ZNF525: variants seen among roughly 807,000 people sequenced by gnomAD.
ZNF525 encodes zinc finger protein 525.
Under a neutral mutation model 37.6 loss-of-function variants are expected in ZNF525, and 33 were observed. The ratio of observed to expected loss-of-function variants is 0.88; its 90% CI spans 0.67 to 1.17. ZNF525 has a LOEUF of 1.17. Ranked by LOEUF, ZNF525 falls within the 50% of genes most tolerant of loss-of-function variation. ZNF525 has a pLI of 0.00. For synonymous variants in ZNF525, 170 were observed against 182.3 expected, an observed-to-expected ratio of 0.93 and a Z score of 0.54; for missense variants, 449 against 543.1, an observed-to-expected ratio of 0.83 and a Z score of 1.72.
intron 3 of ZNF525, among the ~76,000 whole-genome samples, chr19:53,377,658 G>A (rs577358804): frequency 9.4e-5 from 14 of 148,610 alleles, no homozygotes; most frequent in African/African-American, 3.2e-4. Context: ...AGGTTCAAGC[G>A]ATTCTCCTGC....
Position 53,369,869 on chromosome 19 carries a change from C to T in ZNF525, c.-67-2346C>T, listed in dbSNP as rs549000679. On this transcript the variant is annotated intron_variant, in intron 1 of 3. Transcript: ENST00000474037. ...CCTCCCCAGTAGCTGGGACTACAGG[C>T]GCCCGCCACCACGCCCAGCTAATTT... 7.0e-3 allele frequency among the ~76,000 whole-genome samples: 983 copies of T among 140,928 alleles called. 88 individuals carry two copies. The highest frequency in any genetic ancestry group is 0.024 in the African/African-American group (867 of 36,344). 92.5% of individuals were successfully genotyped at this position (140,928 alleles called of 152,430 possible).
At chr19:53,369,754 T>G in intron 1 of ZNF525, among the ~76,000 whole-genome samples, 2 of 100,094 alleles carry the variant, frequency 2.0e-5, no homozygotes, top group Non-Finnish European at 1.8e-5. Flanking sequence ...TGAGACGGAG[T>G]CTCGCTGTCA....
Position 53,382,531 on chromosome 19 carries a change from C to A in ZNF525, c.*512C>A. 1 of 659,480 alleles carries A rather than the reference C, an allele frequency of 1.5e-6. No individual in the cohort carries two copies. Among genetic ancestry groups the A allele is most frequent in the Non-Finnish European group, 2.9e-6 (1 of 350,874 alleles). The allele number at this position is 659,480 out of a possible 1,614,324, so 40.9% of individuals were successfully genotyped here. On this transcript the variant is annotated 3_prime_UTR_variant, in exon 4 of 4. Transcript: ENST00000474037. ...ACCTTCAGTAAGGAGTTAACACATG[C>A]CATCATAGACGTCATACTGGAGAGA...
chr19:53,367,106 CAAG>C (rs766673785), intron 1 of ZNF525, among the ~76,000 whole-genome samples: 4 of 151,994 alleles, frequency 2.6e-5, no homozygotes, highest in Non-Finnish European at 4.4e-5. Flanking sequence ...GAAAGAAAAA[CAAG>C]AACAGCTAAA....
Position 53,372,254 on chromosome 19 carries a change from C to T in ZNF525, c.-28C>T, listed in dbSNP as rs764281922. 2.7e-6 allele frequency: 2 copies of T among 750,292 alleles called. No individual in the cohort carries two copies. The highest frequency in any genetic ancestry group is 1.4e-5 in the South Asian group (1 of 69,598). 46.5% of individuals were successfully genotyped at this position (750,292 alleles called of 1,614,324 possible). On this transcript the variant is annotated 5_prime_UTR_variant, in exon 2 of 4. Coordinates refer to ENST00000474037, the MANE Select transcript of ZNF525 (RefSeq NM_001348156.2). ...GACTCTTGGTACATGAGGAAGAAAC[C>T]CGGAAAAGGAAAGCAGAGGAGTCAG...
intron 3 of ZNF525, among the ~76,000 whole-genome samples, chr19:53,378,728 G>GCT (rs1301918156): frequency 2.6e-5 from 4 of 152,088 alleles, no homozygotes; most frequent in Non-Finnish European, 5.9e-5. Context: ...CAGGCAACGA[G>GCT]CTCTTTAATG....
Position 53,382,658 on chromosome 19 carries a change from G to T in ZNF525, c.*639G>T. The T allele has an allele frequency of 1.4e-6, 1 of 718,916 alleles. No individual in the cohort carries two copies. The highest frequency in any genetic ancestry group is 1.4e-5 in the South Asian group (1 of 72,186). The allele number at this position is 718,916 out of a possible 1,614,324, so 44.5% of individuals were successfully genotyped here. A position where few individuals can be genotyped will look rare whatever the true frequency, so the allele number is the denominator to read the frequency against. Reference sequence around the variant, plus strand: ...CAGAGGGAAACTTTACAAATGTAATGATTGTCACCACGTCTTCAGTAATGC... The same window carrying T: ...CAGAGGGAAACTTTACAAATGTAATTATTGTCACCACGTCTTCAGTAATGC... On this transcript the variant is annotated 3_prime_UTR_variant, in exon 4 of 4. Coordinates refer to ENST00000474037, the MANE Select transcript of ZNF525 (RefSeq NM_001348156.2).
rs926215864 is a variant in ZNF525, at chr19:53,383,726, A to C, written c.*1707A>C. On this transcript the variant is annotated 3_prime_UTR_variant, in exon 4 of 4. Coordinates refer to ENST00000474037, the MANE Select transcript of ZNF525 (RefSeq NM_001348156.2). ...TCACTGGAGAAGCCATAATGAAGAG[A>C]GATCTTACAAATGTAATAATTGTGG... is the stretch of plus-strand genomic sequence containing the variant. 16 of 622,444 alleles carry C rather than the reference A, an allele frequency of 2.6e-5. No homozygotes were observed. Among genetic ancestry groups the C allele is most frequent in the Non-Finnish European group, 4.5e-5 (16 of 355,372 alleles). The allele number at this position is 622,444 out of a possible 1,614,324, so 38.6% of individuals were successfully genotyped here.
At chr19:53,366,624 G>C (rs2085447727) in intron 1 of ZNF525, among the ~76,000 whole-genome samples, 1 of 151,502 alleles carries the variant, frequency 6.6e-6, no homozygotes, top group Non-Finnish European at 1.5e-5. Flanking sequence ...AGAGATGAAG[G>C]ACAGCAAGGT....
At position 53,366,132 on chromosome 19, in the gene ZNF525, C is replaced by G. The variant is rs1213161797; in HGVS notation, c.-68+373C>G. 4.0e-5 allele frequency among the ~76,000 whole-genome samples: 6 copies of G among 150,462 alleles called. No homozygotes were observed. The Admixed American group carries it at 4.0e-4, about 10-fold the overall frequency. Reference sequence around the variant, plus strand: ...CGGCCCCTAGAGCGCAGCGTCGCAGCTCCGGTCCCGGGGAGGCCGAGTTCT... The same window carrying G: ...CGGCCCCTAGAGCGCAGCGTCGCAGGTCCGGTCCCGGGGAGGCCGAGTTCT... On this transcript the variant is annotated intron_variant, in intron 1 of 3. Coordinates refer to ENST00000474037, the MANE Select transcript of ZNF525 (RefSeq NM_001348156.2).
At chr19:53,373,816 G>A (rs11880947) in intron 2 of ZNF525, among the ~76,000 whole-genome samples, 2 of 126,712 alleles carry the variant, frequency 1.6e-5, no homozygotes, top group South Asian at 2.5e-4. Context: ...GCAAGACTTC[G>A]TCTCAAAAAA....
In ZNF525 at chr19:53,384,557, C is replaced by A. The variant is rs1413832133; in HGVS notation, c.*2538C>A. On this transcript the variant is annotated 3_prime_UTR_variant, in exon 4 of 4. Transcript: ENST00000474037. ...GTATTTCTTATTTTAAGTTCTCCAG[C>A]AAATGGAAGTGTGTTAAAATTTTCT... 6.4e-6 allele frequency: 1 copy of A among 157,268 alleles called. No individual in the cohort carries two copies. Among genetic ancestry groups the A allele is most frequent in the Non-Finnish European group, 1.4e-5 (1 of 70,884 alleles). The allele number at this position is 157,268 out of a possible 1,614,324, so 9.7% of individuals were successfully genotyped here.
chr19:53,379,726 G>T lies in ZNF525; in HGVS notation c.143-996G>T, dbSNP rs138269504. Among the ~76,000 whole-genome samples, 647 of 152,336 alleles carry T rather than the reference G, an allele frequency of 4.2e-3. 3 individuals carry two copies. Among genetic ancestry groups the T allele is most frequent in the African/African-American group, 0.015 (605 of 41,578 alleles). On this transcript the variant is annotated intron_variant, in intron 3 of 3. Transcript: ENST00000474037. ...AGTTAATGTCACAAAGTGCCAGCGG[G>T]TGCTGTGGCTCACGCCTGCAATCCC...
At chr19:53,370,341 C>T (rs74710930) in intron 1 of ZNF525, among the ~76,000 whole-genome samples, 2,639 of 147,222 alleles carry the variant, frequency 0.018, 73 homozygotes, top group African/African-American at 0.063. Flanking sequence ...ATGGTGTGAA[C>T]GTGGGAAGCG....
rs1342183734 is a variant in ZNF525 at position 53,382,224 on chromosome 19, A to G, written c.*205A>G. On this transcript the variant is annotated 3_prime_UTR_variant, in exon 4 of 4. Transcript: ENST00000474037. Reference sequence around the variant, plus strand: ...ACATAGGAGAATTCACACTGGTGAGAAACCTTACAGGTGTAATAGGTGTGG... The same window carrying G: ...ACATAGGAGAATTCACACTGGTGAGGAACCTTACAGGTGTAATAGGTGTGG... The G allele has an allele frequency of 1.9e-6, 3 of 1,577,686 alleles. No homozygotes were observed. Among genetic ancestry groups the G allele is most frequent in the South Asian group, 1.1e-5 (1 of 90,300 alleles).
At chr19:53,372,347 C>T in intron 2 of ZNF525, 51 bp downstream of exon 2, 1 of 757,474 alleles carries the variant, frequency 1.3e-6, no homozygotes. Context: ...TTCAGAAATG[C>T]TGACCTTGGA....
Position 53,371,349 on chromosome 19 carries a change from C to G in ZNF525, c.-67-866C>G, listed in dbSNP as rs540019058. Among the ~76,000 whole-genome samples, 19 of 152,066 alleles carry G rather than the reference C, an allele frequency of 1.2e-4. No homozygotes were observed. The East Asian group carries it at 3.3e-3, about 26-fold the overall frequency. On this transcript the variant is annotated intron_variant, in intron 1 of 3. Transcript: ENST00000474037. ...AATTAGCTGAGATTACAGGTGTGTG[C>G]CACCACACTCAGCTAATTATTGTAT... is the stretch of plus-strand genomic sequence containing the variant.
chr19:53,379,676 T>C (rs2085545390), intron 3 of ZNF525, among the ~76,000 whole-genome samples: 2 of 152,226 alleles, frequency 1.3e-5, no homozygotes, highest in South Asian at 4.1e-4. Context: ...GTATGTGGTA[T>C]GCAATATAAC....
chr19:53,382,443 CT>C lies in ZNF525; in HGVS notation c.*426del. On this transcript the variant is annotated 3_prime_UTR_variant, in exon 4 of 4. Transcript: ENST00000474037. ...CAAGACCTTCAGTCAGAAGTCATGC[CT>C]TACACGCCATCATAGACTTCATACT... 2 of 804,110 alleles carry C rather than the reference CT, an allele frequency of 2.5e-6. No individual in the cohort carries two copies. The highest frequency in any genetic ancestry group is 2.2e-6 in the Non-Finnish European group (1 of 456,816). The allele number at this position is 804,110 out of a possible 1,614,324, so 49.8% of individuals were successfully genotyped here.
Sources: gnomAD v4.1 joint callset for allele counts (sites outside exome capture counted in the v4.1 genomes callset) on GRCh38, gnomAD v4.1.1 for gene constraint, MANE v1.5 for transcripts, NCBI Gene and HGNC (gene_info 2026-07-23, HGNC 2026-07-21) for gene names.